Variants in DNMT1 observed in about 807,000 individuals in gnomAD.
The protein encoded by DNMT1 is DNA methyltransferase 1.
DNMT1 carries 24 observed loss-of-function variants against 205.3 expected under a neutral mutation model. The observed-to-expected ratio is 0.12, with a 90% CI of 0.08 to 0.16. DNMT1 has a LOEUF of 0.16. Ranked by LOEUF, DNMT1 falls within the 10% of genes least tolerant of loss-of-function variation. The probability of loss-of-function intolerance (pLI) is 1.00; values close to 1 mark genes in which losing one functional copy is unlikely to be tolerated. For synonymous variants in DNMT1, 817 were observed against 839.8 expected, an observed-to-expected ratio of 0.97 and a Z score of 0.47; for missense variants, 1,293 against 2,177.7, an observed-to-expected ratio of 0.59 and a Z score of 8.09.
chr19:10,153,353 G>A (rs539816902), intron 22 of DNMT1, among the ~76,000 whole-genome samples: 2 of 152,204 alleles, frequency 1.3e-5, no homozygotes, highest in South Asian at 4.2e-4. Context: ...TGATTTTAGG[G>A]CTGGGCACAG....
intron 28 of DNMT1, among the ~76,000 whole-genome samples, chr19:10,145,769 A>T (rs1367146030): frequency 6.6e-6 from 1 of 152,214 alleles, no homozygotes. Flanking sequence ...CCTTGGGCAG[A>T]GGCAGAACTT....
At chr19:10,148,692 A>G (rs1448348664) in intron 27 of DNMT1, among the ~76,000 whole-genome samples, 192 bp downstream of exon 27, 1 of 152,156 alleles carries the variant, frequency 6.6e-6, no homozygotes, top group Non-Finnish European at 1.5e-5. Flanking sequence ...ACGCCAGGTC[A>G]TCCACACACT....
intron 5 of DNMT1, among the ~76,000 whole-genome samples, chr19:10,179,566 G>C (rs1211226352): frequency 1.3e-5 from 2 of 152,062 alleles, no homozygotes; most frequent in Admixed American, 1.3e-4. Context: ...ACACATCTAA[G>C]CTAGTTAGGA....
chr19:10,155,784 G>C, intron 19 of DNMT1, 69 bp downstream of exon 19: 2 of 1,508,588 alleles, frequency 1.3e-6, no homozygotes, highest in Non-Finnish European at 1.8e-6. Flanking sequence ...AGCCCCGTCA[G>C]CCCCCAGGAA....
chr19:10,150,349 CTCCT>C (rs1214974764), intron 24 of DNMT1, among the ~76,000 whole-genome samples: 2 of 150,534 alleles, frequency 1.3e-5, no homozygotes, highest in Non-Finnish European at 2.9e-5. Context: ...CTGCAGGGGC[CTCCT>C]TCCTTTTCTC....
In DNMT1 at chr19:10,182,023, T is replaced by C. The variant is rs1181699187; in HGVS notation, c.117+18A>G. ...CAGTCAGATTTGGTAATAAGAAAAATTTTAAGGTGGAGATTACCTTTTCTG... is the reference window on the plus strand; with the variant it reads ...CAGTCAGATTTGGTAATAAGAAAAACTTTAAGGTGGAGATTACCTTTTCTG... On this transcript the variant is annotated intron_variant, in intron 2 of 40. Coordinates refer to ENST00000359526, the MANE Select transcript of DNMT1 (RefSeq NM_001130823.3). 6.2e-7 allele frequency: 1 copy of C among 1,610,578 alleles called. No homozygotes were observed. Among genetic ancestry groups the C allele is most frequent in the South Asian group, 1.1e-5 (1 of 90,760 alleles).
Position 10,137,765 on chromosome 19 carries a change from C to T in DNMT1, c.4293+67G>A. 6.3e-7 allele frequency: 1 copy of T among 1,575,264 alleles called. No individual in the cohort carries two copies. Among genetic ancestry groups the T allele is most frequent in the South Asian group, 1.2e-5 (1 of 86,774 alleles). On this transcript the variant is annotated intron_variant, in intron 36 of 40. Coordinates refer to ENST00000359526, the MANE Select transcript of DNMT1 (RefSeq NM_001130823.3). The surrounding 1 kb of genome is among the most constrained non-coding windows in gnomAD (Gnocchi z 6.4). ...ATGTCTCCCCTGAGTCTTGGGCAGG[C>T]TGACTGTTCCCACGAGGCTGCTGGG... is the stretch of plus-strand genomic sequence containing the variant.
At chr19:10,173,012 TC>T in intron 9 of DNMT1, 77 bp downstream of exon 9, 4 of 1,546,668 alleles carry the variant, frequency 2.6e-6, no homozygotes, top group Non-Finnish European at 3.6e-6. Flanking sequence ...CCACCCCCTG[TC>T]CCCACGTCCT....
In DNMT1 at chr19:10,146,280, G is replaced by T; in HGVS notation, c.2894+71C>A. ...AGGGATTGGCAATGTCTGTAAGGAG[G>T]GGGACACCACAAAGCCAGCCTGGCT... is the stretch of plus-strand genomic sequence containing the variant. On this transcript the variant is annotated intron_variant, in intron 28 of 40. Coordinates refer to ENST00000359526, the MANE Select transcript of DNMT1 (RefSeq NM_001130823.3). The surrounding 1 kb of genome is among the most constrained non-coding windows in gnomAD (Gnocchi z 4.4). 1 of 1,578,344 alleles carries T rather than the reference G, an allele frequency of 6.3e-7. No homozygotes were observed. Among genetic ancestry groups the T allele is most frequent in the Non-Finnish European group, 8.6e-7 (1 of 1,156,188 alleles).
chr19:10,193,512 C>T (rs538932208), intron 1 of DNMT1, among the ~76,000 whole-genome samples: 5 of 151,824 alleles, frequency 3.3e-5, no homozygotes, highest in Non-Finnish European at 7.4e-5. Flanking sequence ...CACAGGCGCA[C>T]GGCACTACTC....
At chr19:10,143,048 G>A (rs139289510) in intron 29 of DNMT1, among the ~76,000 whole-genome samples, 2 of 152,228 alleles carry the variant, frequency 1.3e-5, no homozygotes, top group Admixed American at 1.3e-4. Context: ...CCTAATCACC[G>A]CAAGTTACTC....
intron 5 of DNMT1, among the ~76,000 whole-genome samples, chr19:10,177,911 G>A (rs1247852317): frequency 6.8e-6 from 1 of 147,444 alleles, no homozygotes; most frequent in Non-Finnish European, 1.5e-5. Context: ...CAGCCTTGGC[G>A]ACAGAGCAAG....
At chr19:10,141,792 T>C (rs554077229) in intron 30 of DNMT1, 4 of 563,302 alleles carry the variant, frequency 7.1e-6, no homozygotes, top group Non-Finnish European at 1.3e-5. Context: ...ACGTACTTTT[T>C]AAAAACCAGG....
chr19:10,148,978 C>G lies in DNMT1; in HGVS notation c.2626G>C (p.Gly876Arg), dbSNP rs62621087. The change falls in exon 27 of 41, where the codon GGG (glycine) becomes CGG (arginine). Residue 876 changes from glycine (G) to arginine (R), a missense_variant. Gly to Arg is a moderately radical substitution (Grantham distance 125). This residue lies in a region of DNMT1 where 112 missense variants were observed against 116.6 expected (regional missense o/e 0.96). Coordinates refer to ENST00000359526, the MANE Select transcript of DNMT1 (RefSeq NM_001130823.3). ...CACAGCTGGTAGAAGTAGGTCTTCC[C>G]GTCGTCCCCCTCCAGCAGGGACTCG... ...DPESLLEGDDGKTYFYQLWYD... is the reference protein window; with the variant it reads ...DPESLLEGDDRKTYFYQLWYD... The G allele has an allele frequency of 7.4e-6, 12 of 1,614,116 alleles. No individual in the cohort carries two copies. The highest frequency in any genetic ancestry group is 9.3e-6 in the Non-Finnish European group (11 of 1,180,020).
chr19:10,155,413 C>T (rs1347982115), intron 19 of DNMT1, among the ~76,000 whole-genome samples: 1 of 152,050 alleles, frequency 6.6e-6, no homozygotes, highest in East Asian at 1.9e-4. Context: ...TCTCGGCTCA[C>T]TGCAACCTCT....
Position 10,140,479 on chromosome 19 carries a change from C to T in DNMT1, c.3524-151G>A. On this transcript the variant is annotated intron_variant, in intron 32 of 40. Coordinates refer to ENST00000359526, the MANE Select transcript of DNMT1 (RefSeq NM_001130823.3). This position sits in a 1 kb window ranked among gnomAD's most constrained non-coding sequence, Gnocchi z 8.4. Reference sequence around the variant, plus strand: ...CTGCCTCCCAGGTTCAAGCGATTCTCCCACCTCAGCCTCCTGAGTAGCTGG... The same window carrying T: ...CTGCCTCCCAGGTTCAAGCGATTCTTCCACCTCAGCCTCCTGAGTAGCTGG... 5 of 1,169,090 alleles carry T rather than the reference C, an allele frequency of 4.3e-6. No individual in the cohort carries two copies. The highest frequency in any genetic ancestry group is 6.1e-6 in the Non-Finnish European group (5 of 823,962). 72.4% of individuals were successfully genotyped at this position (1,169,090 alleles called of 1,614,324 possible). A position where few individuals can be genotyped will look rare whatever the true frequency, so the allele number is the denominator to read the frequency against.
intron 1 of DNMT1, among the ~76,000 whole-genome samples, chr19:10,183,552 C>G (rs2039122170): frequency 6.6e-6 from 1 of 152,152 alleles, no homozygotes; most frequent in African/African-American, 2.4e-5. Context: ...AACTCCATCT[C>G]TACAAAAATA....
At chr19:10,143,699 C>T (rs2089645970) in intron 29 of DNMT1, 67 bp downstream of exon 29, 4 of 1,576,304 alleles carry the variant, frequency 2.5e-6, no homozygotes, top group African/African-American at 1.3e-5. Flanking sequence ...TATGCCACAA[C>T]CTTGTTTCAG....
At chr19:10,136,350 C>T in intron 37 of DNMT1, 63 bp from the exon 38 acceptor site, 1 of 1,597,146 alleles carries the variant, frequency 6.3e-7, no homozygotes, top group South Asian at 1.1e-5. Flanking sequence ...GGGACAGTGG[C>T]TCTTAGAGCT....
Sources: gnomAD v4.1 joint callset for allele counts (sites outside exome capture counted in the v4.1 genomes callset) on GRCh38, gnomAD v4.1.1 for gene constraint, gnomAD v4.1.1 regional missense constraint, Gnocchi (gnomAD v3.1) non-coding constraint, MANE v1.5 for transcripts, NCBI Gene and HGNC (gene_info 2026-07-23, HGNC 2026-07-21) for gene names.